ABCC11: variants seen among roughly 807,000 people sequenced by gnomAD.
The protein encoded by ABCC11 is ATP binding cassette subfamily C member 11.
A neutral mutation model predicts 149.3 loss-of-function variants in ABCC11; 135 were observed. The observed-to-expected ratio is 0.90, with a 90% CI of 0.79 to 1.04. ABCC11 has a LOEUF of 1.04. Ranked by LOEUF, ABCC11 falls within the 50% of genes least tolerant of loss-of-function variation. ABCC11 has a pLI of 0.00. For missense variants in ABCC11, 1,680 were observed against 1,722.1 expected (o/e 0.98, Z 0.43); for synonymous variants, 665 against 671.4 (o/e 0.99, Z 0.15).
chr16:48,177,162 G>GC, intron 24 of ABCC11, 49 bp from the exon 25 acceptor site: 1 of 1,563,154 alleles, frequency 6.4e-7, no homozygotes, highest in East Asian at 2.3e-5. Context: ...ATCTATCTCG[G>GC]CCCATCCCCT....
At chr16:48,182,791 A>G (rs560107079) in intron 23 of ABCC11, among the ~76,000 whole-genome samples, 2 of 152,144 alleles carry the variant, frequency 1.3e-5, no homozygotes, top group East Asian at 3.9e-4. Context: ...TCAAAAAAAA[A>G]AAAAAAAAGG....
At chr16:48,228,818 G>T (rs949465422) in intron 3 of ABCC11, among the ~76,000 whole-genome samples, 6 of 151,596 alleles carry the variant, frequency 4.0e-5, no homozygotes, top group Admixed American at 6.6e-5. Flanking sequence ...AATAATTAAA[G>T]ATGATAAGGT....
chr16:48,213,380 T>C lies in ABCC11; in HGVS notation c.1356+63A>G, dbSNP rs984125842. On this transcript the variant is annotated intron_variant, in intron 10 of 29. Coordinates refer to ENST00000356608, the MANE Select transcript of ABCC11 (RefSeq NM_001370497.1). ...GGGGACGTGTTCTGGAGGAACATCATGGGGGCTGAAGGCAGAGGAGCGTCC... is the reference window on the plus strand; with the variant it reads ...GGGGACGTGTTCTGGAGGAACATCACGGGGGCTGAAGGCAGAGGAGCGTCC... 24 of 1,439,676 alleles carry C rather than the reference T, an allele frequency of 1.7e-5. No homozygotes were observed. In the African/African-American group the frequency reaches 2.8e-4, roughly 17 times the overall value. The allele number at this position is 1,439,676 out of a possible 1,614,324, so 89.2% of individuals were successfully genotyped here.
chr16:48,214,371 C>G (rs1237566930), intron 9 of ABCC11, among the ~76,000 whole-genome samples: 2 of 152,158 alleles, frequency 1.3e-5, no homozygotes, highest in Non-Finnish European at 2.9e-5. Flanking sequence ...TGCTTCCCTT[C>G]TTGCTCTGGG....
chr16:48,211,891 T>A (rs1968959430), intron 10 of ABCC11, among the ~76,000 whole-genome samples: 1 of 152,230 alleles, frequency 6.6e-6, no homozygotes, highest in South Asian at 2.1e-4. Flanking sequence ...TATGATCCTA[T>A]GGAAGTCAGG....
chr16:48,200,195 T>C (rs936952279), intron 15 of ABCC11, 81 bp downstream of exon 15: 81 of 1,434,828 alleles, frequency 5.6e-5, no homozygotes, highest in Non-Finnish European at 7.5e-5. Flanking sequence ...AGGCTGTTAT[T>C]GAATCACACT....
intron 14 of ABCC11, among the ~76,000 whole-genome samples, chr16:48,202,339 A>G (rs1968058910): frequency 6.6e-6 from 1 of 152,190 alleles, no homozygotes; most frequent in South Asian, 2.1e-4. Flanking sequence ...GGCCAAGCGC[A>G]GTAGCTCATG....
At chr16:48,194,546 T>C (rs1967214873) in intron 18 of ABCC11, among the ~76,000 whole-genome samples, 1 of 152,240 alleles carries the variant, frequency 6.6e-6, no homozygotes, top group Admixed American at 6.5e-5. Context: ...AATTCATATG[T>C]TGAAACCAAA....
At chr16:48,194,088 A>C in intron 18 of ABCC11, 106 bp from the exon 19 acceptor site, 1 of 768,982 alleles carries the variant, frequency 1.3e-6, no homozygotes, top group Middle Eastern at 2.6e-4. Context: ...GAAACCCTTG[A>C]GCCCCACCCA....
At chr16:48,203,810 C>T (rs1968205507) in intron 13 of ABCC11, among the ~76,000 whole-genome samples, 1 of 152,176 alleles carries the variant, frequency 6.6e-6, no homozygotes. Context: ...GGAAAGGTTG[C>T]AGTAAGCCAA....
chr16:48,198,459 C>T (rs1260620796), intron 15 of ABCC11, among the ~76,000 whole-genome samples, 184 bp from the exon 16 acceptor site: 1 of 152,122 alleles, frequency 6.6e-6, no homozygotes, highest in Admixed American at 6.5e-5. Flanking sequence ...AGGAACTCTC[C>T]TTAACTATCA....
intron 24 of ABCC11, among the ~76,000 whole-genome samples, chr16:48,177,470 G>A (rs1966158519): frequency 6.6e-6 from 1 of 152,250 alleles, no homozygotes; most frequent in Non-Finnish European, 1.5e-5. Context: ...CCCTTGTGCA[G>A]ACTTAATCTC....
At chr16:48,227,682 T>A in intron 4 of ABCC11, 124 bp downstream of exon 4, 1 of 1,309,826 alleles carries the variant, frequency 7.6e-7, no homozygotes, top group Non-Finnish European at 1.1e-6. Context: ...TGAGGCCTCT[T>A]CCTACAGGAA....
At chr16:48,228,056 C>A in intron 3 of ABCC11, 92 bp from the exon 4 acceptor site, 2 of 949,606 alleles carry the variant, frequency 2.1e-6, no homozygotes, top group South Asian at 2.5e-5. Context: ...CGAGGTTACC[C>A]AGATCTACAC....
chr16:48,236,524 T>A (rs1293713381), intron 1 of ABCC11, among the ~76,000 whole-genome samples: 2 of 152,250 alleles, frequency 1.3e-5, no homozygotes, highest in Non-Finnish European at 2.9e-5. Flanking sequence ...GGACCTTGTC[T>A]GTCATGTTCA....
At chr16:48,208,566 C>T in intron 11 of ABCC11, 70 bp from the exon 12 acceptor site, 2 of 1,558,604 alleles carry the variant, frequency 1.3e-6, no homozygotes, top group Non-Finnish European at 1.8e-6. Context: ...CCCATGGCGG[C>T]TCAACTGTTT....
chr16:48,227,452 G>T (rs1471206260), intron 4 of ABCC11, among the ~76,000 whole-genome samples: 3 of 150,200 alleles, frequency 2.0e-5, no homozygotes, highest in Admixed American at 2.0e-4. Context: ...CTCCAGCCTG[G>T]GTGACAGAGA....
At chr16:48,240,089 GTTT>G (rs2150938657) in intron 1 of ABCC11, among the ~76,000 whole-genome samples, 1 of 152,226 alleles carries the variant, frequency 6.6e-6, no homozygotes, top group East Asian at 1.9e-4. Flanking sequence ...GTGTAAATTA[GTTT>G]GACCATTGCG....
chr16:48,230,293 C>A, intron 3 of ABCC11, 144 bp downstream of exon 3: 1 of 959,172 alleles, frequency 1.0e-6, no homozygotes. Context: ...GATGTGCCTC[C>A]CTGGTGTGCC....
Sources: allele counts gnomAD v4.1 joint callset (sites outside exome capture counted in the v4.1 genomes callset), GRCh38; gene constraint gnomAD v4.1.1; transcripts MANE v1.5; gene names NCBI Gene and HGNC (gene_info 2026-07-23, HGNC 2026-07-21).